CLVS2: variants seen among roughly 807,000 people sequenced by gnomAD.
The protein encoded by CLVS2 is clavesin-2.
CLVS2 carries 19 observed loss-of-function variants against 29.0 expected under a neutral mutation model. The ratio of observed to expected loss-of-function variants is 0.66; its 90% CI spans 0.46 to 0.96. CLVS2 has a LOEUF of 0.96. CLVS2 is among the 40% of genes least tolerant of loss of function. The pLI is 0.00. For missense variants in CLVS2, 294 were observed against 404.1 expected, an observed-to-expected ratio of 0.73 and a Z score of 2.34; for synonymous variants, 161 against 151.3, an observed-to-expected ratio of 1.06 and a Z score of -0.47.
Position 123,052,292 on chromosome 6 carries a change from G to A in CLVS2, c.676-3514G>A, listed in dbSNP as rs184059597. ...AGATGTGCAGGATGTAGGTCAACAA[G>A]CCATGAGGACATTTGGGAGTAGAAA... On this transcript the variant is annotated intron_variant, in intron 4 of 5. Transcript: ENST00000275162. Among the ~76,000 whole-genome samples the A allele has an allele frequency of 2.1e-3, 321 of 152,246 alleles. 2 individuals are homozygous for A. Among genetic ancestry groups the A allele is most frequent in the African/African-American group, 7.2e-3 (299 of 41,558 alleles).
chr6:123,042,041 T>G (rs1775241492), intron 3 of CLVS2, among the ~76,000 whole-genome samples: 1 of 152,168 alleles, frequency 6.6e-6, no homozygotes, highest in Non-Finnish European at 1.5e-5. Flanking sequence ...TTTTAAGTGA[T>G]TCATTATGGT....
intron 3 of CLVS2, among the ~76,000 whole-genome samples, chr6:123,024,215 G>A (rs1213456154): frequency 6.6e-6 from 1 of 152,046 alleles, no homozygotes; most frequent in Non-Finnish European, 1.5e-5. Flanking sequence ...GAAGTTTATG[G>A]CCACTGCCTC....
chr6:123,039,636 G>C (rs1018380724), intron 3 of CLVS2, among the ~76,000 whole-genome samples: 1 of 152,134 alleles, frequency 6.6e-6, no homozygotes, highest in Non-Finnish European at 1.5e-5. Context: ...CAAGCCCTGT[G>C]TCTTCCTGTT....
At chr6:123,003,570 C>T (rs1201921352) in intron 2 of CLVS2, among the ~76,000 whole-genome samples, 1 of 128,378 alleles carries the variant, frequency 7.8e-6, no homozygotes, top group African/African-American at 3.1e-5. Context: ...ATATTTTGGT[C>T]AAATTAATTG....
chr6:123,069,704 C>G lies in CLVS2; in HGVS notation c.*5943C>G, dbSNP rs1350339222. ...AAGCCAGAGATATTGTCTCCACTCTCGTTACAAAAAAGTGCGTTCCTTCTT... is the reference window on the plus strand; with the variant it reads ...AAGCCAGAGATATTGTCTCCACTCTGGTTACAAAAAAGTGCGTTCCTTCTT... On this transcript the variant is annotated 3_prime_UTR_variant, in exon 6 of 6. Transcript: ENST00000275162. The G allele has an allele frequency of 6.6e-6, 1 of 151,728 alleles. No individual in the cohort carries two copies. Among genetic ancestry groups the G allele is most frequent in the South Asian group, 2.1e-4 (1 of 4,820 alleles). The allele number at this position is 151,728 out of a possible 1,614,324, so 9.4% of individuals were successfully genotyped here.
rs773297906 is a variant in CLVS2 at position 122,998,133 on chromosome 6, T to C, written c.356T>C (p.Leu119Pro). The C allele has an allele frequency of 6.2e-7, 1 of 1,613,430 alleles. No homozygotes were observed. The highest frequency in any genetic ancestry group is 1.7e-5 in the Admixed American group (1 of 60,026). ...CTGGACCACTATGGCAGGAAGATTC[T>C]AGTCCTTTTTGCTGCCAATTGGGAT... Reference protein sequence around the residue: ...ANLDHYGRKILVLFAANWDQS... With the variant: ...ANLDHYGRKIPVLFAANWDQS... Residue 119 changes from leucine (L) to proline (P), a missense_variant, in exon 2 of 6, where the codon CTA becomes CCA. Physicochemically the swap from Leu to Pro is moderately conservative, Grantham distance 98 (BLOSUM62 -3). Transcript: ENST00000275162.
Position 123,049,806 on chromosome 6 carries a change from G to GGA in CLVS2, c.675+1075_675+1076insAG, listed in dbSNP as rs1044943617. ...ACACACCGGGGCCTGTTGTGGGATG[G>GGA]GGGGCGGGGAGGAATAGCATTAGGA... is the stretch of plus-strand genomic sequence containing the variant. On this transcript the variant is annotated intron_variant, in intron 4 of 5. Coordinates refer to ENST00000275162, the MANE Select transcript of CLVS2 (RefSeq NM_001010852.4). Among the ~76,000 whole-genome samples, 21 of 139,174 alleles carry GGA rather than the reference G, an allele frequency of 1.5e-4. 1 individual carries two copies. Among genetic ancestry groups the GGA allele is most frequent in the South Asian group, 1.4e-3 (6 of 4,340 alleles). The allele number at this position is 139,174 out of a possible 152,430, so 91.3% of individuals were successfully genotyped here.
rs188011301 is a variant in CLVS2, at chr6:122,998,099, C to T, written c.322C>T (p.Leu108=). Residue 108 remains leucine, a synonymous_variant, in exon 2 of 6, where the codon CTG becomes TTG. Transcript: ENST00000275162. The part of the protein sequence containing the change: ...QALKDGFPGG[L]ANLDHYGRKI... The stretch of plus-strand genomic sequence containing the variant: ...ACTGAAGGATGGCTTCCCTGGGGGC[C>T]TGGCCAATCTGGACCACTATGGCAG... 197 of 1,614,144 alleles carry T rather than the reference C, an allele frequency of 1.2e-4. 1 individual carries two copies. In the East Asian group the frequency reaches 4.0e-3, roughly 33 times the overall value.
intron 5 of CLVS2, among the ~76,000 whole-genome samples, chr6:123,063,339 G>A (rs911571279): frequency 6.6e-6 from 1 of 151,812 alleles, no homozygotes; most frequent in Non-Finnish European, 1.5e-5. Context: ...TGTTTTATTG[G>A]AAAACATCTA....
intron 3 of CLVS2, among the ~76,000 whole-genome samples, chr6:123,032,112 C>A (rs940545741): frequency 6.6e-6 from 1 of 152,058 alleles, no homozygotes; most frequent in Non-Finnish European, 1.5e-5. Flanking sequence ...ATTGGGTTCA[C>A]TTAACTCTTA....
chr6:123,062,284 A>C (rs139727556), intron 5 of CLVS2, among the ~76,000 whole-genome samples: 1 of 152,322 alleles, frequency 6.6e-6, no homozygotes, highest in Non-Finnish European at 1.5e-5. Flanking sequence ...TTTGTTAAAA[A>C]GTATTTTATT....
chr6:123,019,110 A>G (rs1774884247), intron 3 of CLVS2, among the ~76,000 whole-genome samples: 1 of 152,044 alleles, frequency 6.6e-6, no homozygotes, highest in African/African-American at 2.4e-5. Flanking sequence ...ATCACATGCA[A>G]TAGATTCCTA....
At chr6:123,007,875 G>A (rs1774410711) in intron 2 of CLVS2, among the ~76,000 whole-genome samples, 2 of 152,188 alleles carry the variant, frequency 1.3e-5, no homozygotes, top group Non-Finnish European at 2.9e-5. Flanking sequence ...CACAATTTCA[G>A]TGTAAACCCC....
Position 123,006,760 on chromosome 6 carries a change from A to G in CLVS2, c.390-4225A>G, listed in dbSNP as rs533791164. ...GCTGATGTTCAGATGGCAACTAGAA[A>G]GATGAGGATGTTGCACAGGACTGAC... On this transcript the variant is annotated intron_variant, in intron 2 of 5. Coordinates refer to ENST00000275162, the MANE Select transcript of CLVS2 (RefSeq NM_001010852.4). Among the ~76,000 whole-genome samples, 38 of 152,318 alleles carry G rather than the reference A, an allele frequency of 2.5e-4. No homozygotes were observed. The South Asian group carries it at 7.9e-3, about 32-fold the overall frequency.
chr6:123,048,722 C>T lies in CLVS2; in HGVS notation c.665C>T (p.Thr222Ile), dbSNP rs764310165. ...ATCCGGCCTTTCCTGAAGGAGAAAA[C>T]TCGGAAAAGGGTATTCTTTTCTTTG... Reference protein sequence around the residue: ...TVIRPFLKEKTRKRIFLHGNN... With the variant: ...TVIRPFLKEKIRKRIFLHGNN... The change falls in exon 4 of 6, where the codon ACT (threonine) becomes ATT (isoleucine). Residue 222 changes from threonine to isoleucine, a missense_variant. Thr to Ile is a moderately conservative substitution (Grantham distance 89, BLOSUM62 -1). Coordinates refer to ENST00000275162, the MANE Select transcript of CLVS2 (RefSeq NM_001010852.4). 1 of 1,605,962 alleles carries T rather than the reference C, an allele frequency of 6.2e-7. No individual in the cohort carries two copies. The highest frequency in any genetic ancestry group is 8.5e-7 in the Non-Finnish European group (1 of 1,172,796).
chr6:122,997,260 C>A lies in CLVS2; in HGVS notation c.-518C>A, dbSNP rs1329816314. 4 of 169,412 alleles carry A rather than the reference C, an allele frequency of 2.4e-5. No individual in the cohort carries two copies. The highest frequency in any genetic ancestry group is 9.7e-5 in the African/African-American group (4 of 41,440). 10.5% of individuals were successfully genotyped at this position (169,412 alleles called of 1,614,324 possible). A position where few individuals can be genotyped will look rare whatever the true frequency, so the allele number is the denominator to read the frequency against. ...CTGGAGCTCAGCGCTGAAGAGCTAC[C>A]TTATTATTAATCAGAATTTCCATCG... On this transcript the variant is annotated 5_prime_UTR_variant, in exon 2 of 6. Coordinates refer to ENST00000275162, the MANE Select transcript of CLVS2 (RefSeq NM_001010852.4).
chr6:123,017,428 G>A (rs1048000509), intron 3 of CLVS2, among the ~76,000 whole-genome samples: 1 of 152,010 alleles, frequency 6.6e-6, no homozygotes, highest in African/African-American at 2.4e-5. Context: ...AGATGGGAAC[G>A]TTTATTTCTA....
rs1371186173 is a variant in CLVS2 at position 123,071,132 on chromosome 6, CT to C, written c.*7372del. On this transcript the variant is annotated 3_prime_UTR_variant, in exon 6 of 6. Coordinates refer to ENST00000275162, the MANE Select transcript of CLVS2 (RefSeq NM_001010852.4). ...ACTCCACAAGGGCAGGAATTTTTGT[CT>C]GTTTACTACTGCATTACTGGTGCCT... is the stretch of plus-strand genomic sequence containing the variant. 38 of 152,100 alleles carry C rather than the reference CT, an allele frequency of 2.5e-4. No homozygotes were observed. The highest frequency in any genetic ancestry group is 8.9e-4 in the African/African-American group (37 of 41,544). 9.4% of individuals were successfully genotyped at this position (152,100 alleles called of 1,614,324 possible). A position where few individuals can be genotyped will look rare whatever the true frequency, so the allele number is the denominator to read the frequency against.
At chr6:123,009,865 A>T (rs1017877150) in intron 2 of CLVS2, among the ~76,000 whole-genome samples, 8 of 152,014 alleles carry the variant, frequency 5.3e-5, no homozygotes, top group African/African-American at 1.9e-4. Context: ...CACTTCATTG[A>T]ACTTAGAGTC....
Sources: gnomAD v4.1 joint callset for allele counts (sites outside exome capture counted in the v4.1 genomes callset) on GRCh38, gnomAD v4.1.1 for gene constraint, MANE v1.5 for transcripts, NCBI Gene and HGNC (gene_info 2026-07-23, HGNC 2026-07-21) for gene names.